Variants in MAPK14 observed in about 807,000 individuals in gnomAD.
MAPK14 encodes CSAID-binding protein.
In MAPK14, 16 loss-of-function variants were observed where a neutral mutation model predicts 49.6. The observed-to-expected ratio is 0.32, with a 90% CI of 0.22 to 0.49. The LOEUF (loss-of-function observed/expected upper bound fraction) is 0.49, where lower values mean the gene tolerates loss of function less well. Ranked by LOEUF, MAPK14 falls within the 20% of genes least tolerant of loss-of-function variation. The pLI is 0.99. For missense variants in MAPK14, 200 were observed against 441.2 expected (o/e 0.45, Z 4.90); for synonymous variants, 142 against 158.0 (o/e 0.90, Z 0.76).
chr6:36,081,110 T>C (rs1278185960), intron 8 of MAPK14, among the ~76,000 whole-genome samples: 1 of 152,202 alleles, frequency 6.6e-6, no homozygotes, highest in Non-Finnish European at 1.5e-5. Flanking sequence ...TCACCTATTT[T>C]GTGGGTTGTC....
chr6:36,064,312 G>A lies in MAPK14; in HGVS notation c.305+4965G>A, dbSNP rs1362794742. On this transcript the variant is annotated intron_variant, in intron 3 of 11. Transcript: ENST00000229794. The stretch of plus-strand genomic sequence containing the variant: ...TTTCTTAACTGTAGTGGTTCTTTGC[G>A]CAAGCATAGTAGACAAGAATTTTTT... Among the ~76,000 whole-genome samples the A allele has an allele frequency of 5.3e-5, 7 of 132,906 alleles. No individual in the cohort carries two copies. The South Asian group carries it at 1.1e-3, about 22-fold the overall frequency. The allele number at this position is 132,906 out of a possible 152,430, so 87.2% of individuals were successfully genotyped here.
intron 1 of MAPK14, among the ~76,000 whole-genome samples, chr6:36,046,650 C>G (rs1265191672): frequency 6.6e-6 from 1 of 152,146 alleles, no homozygotes; most frequent in Admixed American, 6.5e-5. Context: ...TATTTAATCA[C>G]TCTGTTGGAG....
chr6:36,038,394 G>C (rs893700467), intron 1 of MAPK14, among the ~76,000 whole-genome samples: 21 of 152,164 alleles, frequency 1.4e-4, no homozygotes, highest in African/African-American at 4.6e-4. Flanking sequence ...AGTGGGGTGA[G>C]GAGAGGGTTG....
At chr6:36,092,785 A>C (rs1765289734) in intron 8 of MAPK14, 3 of 245,078 alleles carry the variant, frequency 1.2e-5, no homozygotes, top group South Asian at 9.7e-5. Flanking sequence ...AGACATCGGC[A>C]CCTCCCGAGG....
At chr6:36,046,091 T>C (rs2127409193) in intron 1 of MAPK14, among the ~76,000 whole-genome samples, 1 of 152,276 alleles carries the variant, frequency 6.6e-6, no homozygotes, top group South Asian at 2.1e-4. Flanking sequence ...TAACAAAACA[T>C]TGAAGTTTAT....
intron 8 of MAPK14, among the ~76,000 whole-genome samples, chr6:36,086,874 A>G (rs547581092): frequency 9.8e-5 from 15 of 152,352 alleles, no homozygotes; most frequent in Middle Eastern, 3.4e-3. Context: ...CCTGATGAAC[A>G]TCGATGCAAA....
chr6:36,030,784 T>C (rs907437778), intron 1 of MAPK14, among the ~76,000 whole-genome samples: 1 of 152,186 alleles, frequency 6.6e-6, no homozygotes. Flanking sequence ...TTAAGTGTCT[T>C]GTGTCTTTCC....
At chr6:36,072,061 T>G (rs1272384884) in intron 3 of MAPK14, among the ~76,000 whole-genome samples, 1 of 152,100 alleles carries the variant, frequency 6.6e-6, no homozygotes, top group Non-Finnish European at 1.5e-5. Flanking sequence ...TTAGAACAGA[T>G]GGCAGGTAGT....
chr6:36,047,944 A>G (rs1403690206), intron 1 of MAPK14, among the ~76,000 whole-genome samples: 1 of 152,030 alleles, frequency 6.6e-6, no homozygotes, highest in Admixed American at 6.6e-5. Context: ...GGGTTTCACC[A>G]TGTTGGCCAG....
intron 1 of MAPK14, among the ~76,000 whole-genome samples, chr6:36,050,699 A>G (rs1581752266): frequency 6.6e-6 from 1 of 152,224 alleles, no homozygotes; most frequent in African/African-American, 2.4e-5. Context: ...GGTATTTTAT[A>G]GAACAAACGG....
At chr6:36,037,989 CAG>C in intron 1 of MAPK14, among the ~76,000 whole-genome samples, 1 of 150,822 alleles carries the variant, frequency 6.6e-6, no homozygotes, top group East Asian at 1.9e-4. Context: ...GCTTGGGTGA[CAG>C]AGTGATACCC....
the MAPK14 span, among the ~76,000 whole-genome samples, chr6:36,121,750 C>G: frequency 6.6e-6 from 1 of 152,158 alleles, no homozygotes; most frequent in African/African-American, 2.4e-5. Flanking sequence ...CAAGCATCAT[C>G]CAGCGCAGCT....
chr6:36,119,940 AGCAGAC>A, the MAPK14 span, among the ~76,000 whole-genome samples: 1 of 152,190 alleles, frequency 6.6e-6, no homozygotes, highest in Non-Finnish European at 1.5e-5. Context: ...TAAAACTAAA[AGCAGAC>A]GAGAATAATA....
At chr6:36,113,198 A>G (rs553141618), downstream of MAPK14, among the ~76,000 whole-genome samples, 1 of 152,130 alleles carries the variant, frequency 6.6e-6, no homozygotes, top group African/African-American at 2.4e-5. Context: ...TACATTAGCC[A>G]GGTGTGGTGG....
intron 1 of MAPK14, among the ~76,000 whole-genome samples, chr6:36,049,923 C>T (rs913566327): frequency 6.6e-6 from 1 of 152,144 alleles, no homozygotes; most frequent in Non-Finnish European, 1.5e-5. Flanking sequence ...GCAAATGGAG[C>T]TCCCCTCCTG....
At chr6:36,092,439 G>A (rs567513835) in intron 8 of MAPK14, 25 of 662,828 alleles carry the variant, frequency 3.8e-5, no homozygotes, top group South Asian at 1.4e-4. Flanking sequence ...GTAGTGAAGC[G>A]TTCTCTGCAG....
intron 8 of MAPK14, among the ~76,000 whole-genome samples, chr6:36,095,386 C>T (rs1765404998): frequency 1.3e-5 from 2 of 152,224 alleles, no homozygotes; most frequent in South Asian, 4.1e-4. Context: ...ATAGTGCCTG[C>T]TATAGCCAGT....
chr6:36,120,182 G>A, the MAPK14 span, among the ~76,000 whole-genome samples: 3 of 152,204 alleles, frequency 2.0e-5, no homozygotes, highest in African/African-American at 7.2e-5. Context: ...TCACAGGATT[G>A]TGGTGAGGGT....
At chr6:36,096,175 G>T (rs1422075977) in intron 9 of MAPK14, 109 bp downstream of exon 9, 1 of 737,852 alleles carries the variant, frequency 1.4e-6, no homozygotes, top group South Asian at 1.6e-5. Context: ...TGCCCTTTGT[G>T]TGCTGACTTC....
Sources: gnomAD v4.1 joint callset for allele counts (sites outside exome capture counted in the v4.1 genomes callset) on GRCh38, gnomAD v4.1.1 for gene constraint, MANE v1.5 for transcripts, NCBI Gene and HGNC (gene_info 2026-07-23, HGNC 2026-07-21) for gene names.